NALF1: variants seen among roughly 807,000 people sequenced by gnomAD.
The protein encoded by NALF1 is family with sequence similarity 155 member A.
NALF1 carries 3 observed loss-of-function variants against 48.4 expected under a neutral mutation model. The observed-to-expected ratio is 0.06, with a 90% CI of 0.03 to 0.16. The LOEUF is 0.16. Ranked by LOEUF, NALF1 falls within the 10% of genes least tolerant of loss-of-function variation. NALF1 has a pLI of 1.00. For missense variants in NALF1, 526 were observed against 571.5 expected, an observed-to-expected ratio of 0.92 and a Z score of 0.81; for synonymous variants, 262 against 245.7, an observed-to-expected ratio of 1.07 and a Z score of -0.62.
intron 1 of NALF1, among the ~76,000 whole-genome samples, chr13:107,605,451 G>A (rs1229995581): frequency 1.3e-5 from 2 of 152,012 alleles, no homozygotes; most frequent in African/African-American, 4.8e-5. Flanking sequence ...TAACAGAGAC[G>A]ACGACAAATT....
At chr13:107,490,147 C>T (rs897884881) in intron 1 of NALF1, among the ~76,000 whole-genome samples, 17 of 152,162 alleles carry the variant, frequency 1.1e-4, no homozygotes, top group Admixed American at 6.6e-4. Flanking sequence ...ATTAGGTCAA[C>T]CATTGTAGAA....
chr13:107,614,424 T>C (rs1460597221), intron 1 of NALF1, among the ~76,000 whole-genome samples: 2 of 152,224 alleles, frequency 1.3e-5, no homozygotes, highest in African/African-American at 4.8e-5. Context: ...TTAGGTCTTT[T>C]ACTTACTCTT....
intron 1 of NALF1, among the ~76,000 whole-genome samples, chr13:107,550,852 T>G (rs1397694209): frequency 6.6e-6 from 1 of 152,084 alleles, no homozygotes; most frequent in African/African-American, 2.4e-5. Context: ...GATCTGGAAT[T>G]GAAGTTTTTC....
At chr13:107,231,240 G>A (rs1441408876) in intron 1 of NALF1, among the ~76,000 whole-genome samples, 1 of 152,090 alleles carries the variant, frequency 6.6e-6, no homozygotes, top group Non-Finnish European at 1.5e-5. Context: ...GATGGGAATA[G>A]AAGAAAGATG....
chr13:107,171,572 T>G (rs1878805723), intron 2 of NALF1, among the ~76,000 whole-genome samples: 1 of 152,206 alleles, frequency 6.6e-6, no homozygotes, highest in Non-Finnish European at 1.5e-5. Flanking sequence ...CTTCCTTCCC[T>G]TTTTGTCTTC....
chr13:107,583,058 G>C (rs1878358549), intron 1 of NALF1, among the ~76,000 whole-genome samples: 1 of 152,028 alleles, frequency 6.6e-6, no homozygotes. Flanking sequence ...AGTAGGACTA[G>C]TTTCATCATT....
At chr13:107,641,093 T>A (rs1880142795) in intron 1 of NALF1, among the ~76,000 whole-genome samples, 1 of 152,216 alleles carries the variant, frequency 6.6e-6, no homozygotes, top group African/African-American at 2.4e-5. Context: ...AATGAAATCA[T>A]CTTATTTACA....
intron 1 of NALF1, among the ~76,000 whole-genome samples, chr13:107,295,752 G>T (rs1007753502): frequency 6.6e-6 from 1 of 152,172 alleles, no homozygotes; most frequent in Non-Finnish European, 1.5e-5. Context: ...CTAAAGTAAT[G>T]ATATTTTAAA....
At chr13:107,469,760 T>TTTC (rs1885068096) in intron 1 of NALF1, among the ~76,000 whole-genome samples, 2 of 110,992 alleles carry the variant, frequency 1.8e-5, no homozygotes, top group Admixed American at 1.9e-4. Context: ...TTTTTTTTTT[T>TTTC]TGAGACAGCG....
intron 1 of NALF1, among the ~76,000 whole-genome samples, chr13:107,305,980 A>G (rs1458977926): frequency 6.6e-6 from 1 of 152,184 alleles, no homozygotes. Flanking sequence ...GTAAAATAAT[A>G]AGAAATCAAC....
At chr13:107,529,938 A>G (rs908181216) in intron 1 of NALF1, among the ~76,000 whole-genome samples, 4 of 152,072 alleles carry the variant, frequency 2.6e-5, no homozygotes, top group African/African-American at 9.7e-5. Flanking sequence ...CCAAAGCCAA[A>G]CTCACAATCT....
At chr13:107,487,288 C>T (rs565733060) in intron 1 of NALF1, among the ~76,000 whole-genome samples, 4 of 152,246 alleles carry the variant, frequency 2.6e-5, no homozygotes, top group South Asian at 2.1e-4. Context: ...AATTTTCACT[C>T]GCAATCCCAC....
chr13:107,192,000 G>A (rs752652525), intron 2 of NALF1, among the ~76,000 whole-genome samples: 14 of 151,692 alleles, frequency 9.2e-5, no homozygotes, highest in Non-Finnish European at 1.9e-4. Flanking sequence ...GTTCTTATAA[G>A]AAATACAGAT....
intron 1 of NALF1, among the ~76,000 whole-genome samples, chr13:107,591,414 T>TA (rs1382485878): frequency 2.6e-5 from 4 of 152,162 alleles, no homozygotes; most frequent in African/African-American, 9.6e-5. Flanking sequence ...AAACCTATCT[T>TA]TTAGATAAAA....
At chr13:107,371,376 A>T (rs551019868) in intron 1 of NALF1, among the ~76,000 whole-genome samples, 1 of 152,228 alleles carries the variant, frequency 6.6e-6, no homozygotes, top group South Asian at 2.1e-4. Context: ...GAGCCCAGGA[A>T]GTGGAGGCTG....
intron 2 of NALF1, among the ~76,000 whole-genome samples, chr13:107,182,327 G>A (rs1173694667): frequency 1.3e-5 from 2 of 151,936 alleles, no homozygotes; most frequent in Non-Finnish European, 2.9e-5. Flanking sequence ...CTGGAGTGCA[G>A]TGGCATGATC....
At chr13:107,663,290 T>C (rs747192978) in intron 1 of NALF1, among the ~76,000 whole-genome samples, 9 of 152,200 alleles carry the variant, frequency 5.9e-5, no homozygotes, top group Non-Finnish European at 7.3e-5. Flanking sequence ...AGGGGACAAA[T>C]GTTTCCTTTT....
At chr13:107,727,114 C>T (rs1456105420) in intron 1 of NALF1, among the ~76,000 whole-genome samples, 2 of 151,996 alleles carry the variant, frequency 1.3e-5, no homozygotes, top group Non-Finnish European at 2.9e-5. Flanking sequence ...ATACAAGAGA[C>T]TGCCCATGGT....
intron 1 of NALF1, among the ~76,000 whole-genome samples, chr13:107,382,510 T>C (rs761283983): frequency 5.3e-5 from 8 of 152,192 alleles, no homozygotes; most frequent in Non-Finnish European, 1.0e-4. Flanking sequence ...ATGTTAACAT[T>C]TTACATAACT....
Sources: gnomAD v4.1 joint callset for allele counts (sites outside exome capture counted in the v4.1 genomes callset) on GRCh38, gnomAD v4.1.1 for gene constraint, MANE v1.5 for transcripts, NCBI Gene and HGNC (gene_info 2026-07-23, HGNC 2026-07-21) for gene names.